MAP4K5: variants seen among roughly 807,000 people sequenced by gnomAD.
MAP4K5 encodes the protein MAPK/ERK kinase kinase kinase 5.
MAP4K5 carries 82 observed loss-of-function variants against 135.6 expected under a neutral mutation model. That is an observed-to-expected ratio of 0.60 (90% CI 0.51 to 0.73). The LOEUF is 0.73. Among genes scored for constraint, MAP4K5 ranks in the 30% least tolerant of loss-of-function variants. MAP4K5 has a pLI of 0.00. For missense variants in MAP4K5, 907 were observed against 1,010.9 expected (o/e 0.90, Z 1.39); for synonymous variants, 347 against 335.0 (o/e 1.04, Z -0.39).
Position 50,423,171 on chromosome 14 carries a change from G to A in MAP4K5, c.2403C>T (p.Thr801=). 1 of 1,535,120 alleles carries A rather than the reference G, an allele frequency of 6.5e-7. No homozygotes were observed. Among genetic ancestry groups the A allele is most frequent in the South Asian group, 1.2e-5 (1 of 85,884 alleles). ...QGKSFKSDEV[T]QEISDETRVF... ...CTCTTGTTTCATCTGAAATCTCCTG[G>A]GTAACCTAGGAAAGAAAAATACCTA... Residue 801 remains threonine (T), a synonymous_variant, in exon 32 of 33, where the codon ACC becomes ACT. Transcript: ENST00000682126.
At chr14:50,441,756 ACACACACACAC>A (rs2036232734) in intron 21 of MAP4K5, among the ~76,000 whole-genome samples, 1 of 13,400 alleles carries the variant, frequency 7.5e-5, no homozygotes, top group Non-Finnish European at 2.8e-4. Context: ...ACACACACAC[ACACACACACAC>A]ACACACACAC....
At chr14:50,543,093 T>A (rs891387716) in intron 1 of MAP4K5, among the ~76,000 whole-genome samples, 1 of 152,216 alleles carries the variant, frequency 6.6e-6, no homozygotes, top group African/African-American at 2.4e-5. Flanking sequence ...TACAAGAAGA[T>A]CTGTTCTCCA....
At position 50,500,281 on chromosome 14, in the gene MAP4K5, C is replaced by T. The variant is rs538811506; in HGVS notation, c.166+4519G>A. Among the ~76,000 whole-genome samples, 73 of 152,254 alleles carry T rather than the reference C, an allele frequency of 4.8e-4. 3 individuals carry two copies. In the South Asian group the frequency reaches 0.015, roughly 31 times the overall value. ...AAACAAGAAAAGTATCAGGCACTCACGTGTCCTATGCAGCGAACTAAAATA... is the reference window on the plus strand; with the variant it reads ...AAACAAGAAAAGTATCAGGCACTCATGTGTCCTATGCAGCGAACTAAAATA... On this transcript the variant is annotated intron_variant, in intron 3 of 32. Transcript: ENST00000682126.
chr14:50,503,715 G>A (rs759561103), intron 3 of MAP4K5, among the ~76,000 whole-genome samples: 5 of 152,042 alleles, frequency 3.3e-5, no homozygotes, highest in Non-Finnish European at 5.9e-5. Flanking sequence ...AAGTGAAACC[G>A]TGTTGTAACA....
rs1042897815 is a variant in MAP4K5 at position 50,419,027 on chromosome 14, C to G, written c.*992G>C. 1 of 151,902 alleles carries G rather than the reference C, an allele frequency of 6.6e-6. No homozygotes were observed. Among genetic ancestry groups the G allele is most frequent in the African/African-American group, 2.4e-5 (1 of 41,344 alleles). 9.4% of individuals were successfully genotyped at this position (151,902 alleles called of 1,614,324 possible). On this transcript the variant is annotated 3_prime_UTR_variant, in exon 33 of 33. Transcript: ENST00000682126. Reference sequence around the variant, plus strand: ...AATGAATACCTACATATGTGAAAAACCCAAGATTACATGTGTAATTACTTT... The same window carrying G: ...AATGAATACCTACATATGTGAAAAAGCCAAGATTACATGTGTAATTACTTT...
At chr14:50,545,560 A>G (rs1313138338) in intron 1 of MAP4K5, among the ~76,000 whole-genome samples, 1 of 152,126 alleles carries the variant, frequency 6.6e-6, no homozygotes, top group African/African-American at 2.4e-5. Flanking sequence ...TAGTGCAAGG[A>G]CCTAAGATGT....
intron 1 of MAP4K5, among the ~76,000 whole-genome samples, chr14:50,551,324 A>G (rs983376330): frequency 1.4e-5 from 2 of 139,302 alleles, no homozygotes; most frequent in Non-Finnish European, 3.1e-5. Flanking sequence ...TGATTAAATC[A>G]GGAAGAAATA....
chr14:50,488,103 G>A (rs576427701), intron 3 of MAP4K5, among the ~76,000 whole-genome samples: 4 of 152,174 alleles, frequency 2.6e-5, no homozygotes, highest in African/African-American at 7.2e-5. Context: ...TTACACCTCC[G>A]CATGGCTTGG....
At chr14:50,428,976 T>C (rs112674414) in intron 29 of MAP4K5, among the ~76,000 whole-genome samples, 5,269 of 152,294 alleles carry the variant, frequency 0.035, 91 homozygotes, top group Middle Eastern at 0.058. Flanking sequence ...ACTGAATATT[T>C]ACACTCTCAT....
intron 11 of MAP4K5, 141 bp from the exon 12 acceptor site, chr14:50,464,274 T>A: frequency 1.8e-6 from 1 of 551,350 alleles, no homozygotes; most frequent in African/African-American, 1.9e-5. Context: ...ATATATTCCG[T>A]GGAAACATCT....
chr14:50,423,939 AC>A (rs1052281982), intron 31 of MAP4K5, among the ~76,000 whole-genome samples: 9 of 152,022 alleles, frequency 5.9e-5, no homozygotes, highest in Admixed American at 5.9e-4. Context: ...GGTGTATTTT[AC>A]CCCATTCCTC....
At chr14:50,475,721 A>G (rs1265138680) in intron 8 of MAP4K5, among the ~76,000 whole-genome samples, 1 of 152,238 alleles carries the variant, frequency 6.6e-6, no homozygotes, top group Non-Finnish European at 1.5e-5. Flanking sequence ...AACAAACAAA[A>G]TAACACACAG....
chr14:50,509,665 A>T lies in MAP4K5; in HGVS notation c.109-4808T>A, dbSNP rs77207652. On this transcript the variant is annotated intron_variant, in intron 2 of 32. Transcript: ENST00000682126. ...AATATGTTTAAAATCCATCTAAAGA[A>T]CTGGAATTAAAAAAAAAAAAACAGA... Among the ~76,000 whole-genome samples, 1,427 of 145,770 alleles carry T rather than the reference A, an allele frequency of 9.8e-3. 18 individuals are homozygous for T. The highest frequency in any genetic ancestry group is 0.032 in the African/African-American group (1,326 of 40,894).
chr14:50,495,254 T>C (rs990746025), intron 3 of MAP4K5, among the ~76,000 whole-genome samples: 1 of 152,074 alleles, frequency 6.6e-6, no homozygotes, highest in Non-Finnish European at 1.5e-5. Flanking sequence ...ATTTTAAAAA[T>C]GGGAAAGGAC....
intron 2 of MAP4K5, chr14:50,505,167 T>C (rs1394198942): frequency 4.0e-5 from 9 of 223,502 alleles, no homozygotes; most frequent in Non-Finnish European, 7.7e-5. Flanking sequence ...AAAAATCTCA[T>C]GGGTTTTATT....
intron 13 of MAP4K5, among the ~76,000 whole-genome samples, chr14:50,461,318 C>T (rs749298624): frequency 4.0e-5 from 6 of 151,860 alleles, no homozygotes; most frequent in East Asian, 1.9e-4. Flanking sequence ...TGTGAGCCAC[C>T]GTGTCTGGCA....
chr14:50,463,891 CAAAAAAAAAAAAAAAAAAAAAAAAAAA>C (rs56877870), intron 12 of MAP4K5, among the ~76,000 whole-genome samples, 134 bp downstream of exon 12: 1 of 70,408 alleles, frequency 1.4e-5, no homozygotes, highest in Non-Finnish European at 2.6e-5. Context: ...ACCCTGTTTC[CAAAAAAAAAAAAAAAAAAAAAAAAAAA>C]AAAAAAAAAA....
chr14:50,502,492 T>C (rs2180499), intron 3 of MAP4K5, among the ~76,000 whole-genome samples: 131,160 of 152,062 alleles, frequency 0.86, 58,309 homozygotes, highest in Non-Finnish European at 0.96. Flanking sequence ...ACCATAAATA[T>C]GAAGACGTGG....
intron 2 of MAP4K5, among the ~76,000 whole-genome samples, chr14:50,526,572 A>G (rs1268284159): frequency 6.6e-6 from 1 of 152,220 alleles, no homozygotes; most frequent in East Asian, 1.9e-4. Flanking sequence ...CTAGGATTAC[A>G]GGCGTGAGCC....
Sources: allele counts gnomAD v4.1 joint callset (sites outside exome capture counted in the v4.1 genomes callset), GRCh38; gene constraint gnomAD v4.1.1; transcripts MANE v1.5; gene names NCBI Gene and HGNC (gene_info 2026-07-23, HGNC 2026-07-21).